GYS2: variants seen among roughly 807,000 people sequenced by gnomAD.
GYS2 encodes glycogen [starch] synthase, liver.
In GYS2, 80 loss-of-function variants were observed where a neutral mutation model predicts 85.6. The observed-to-expected ratio is 0.93, with a 90% CI of 0.78 to 1.13. The LOEUF (loss-of-function observed/expected upper bound fraction) is 1.13. Among genes scored for constraint, GYS2 ranks in the 50% most tolerant of loss-of-function variants. The pLI, the probability that GYS2 is intolerant of heterozygous loss-of-function variation, is 0.00. For missense variants in GYS2, 881 were observed against 854.9 expected, an observed-to-expected ratio of 1.03 and a Z score of -0.38; for synonymous variants, 328 against 300.7, an observed-to-expected ratio of 1.09 and a Z score of -0.94.
chr12:21,534,745 C>A (rs899465359), downstream of GYS2, among the ~76,000 whole-genome samples: 2 of 152,108 alleles, frequency 1.3e-5, no homozygotes, highest in Non-Finnish European at 2.9e-5. Context: ...ACATTCAAAC[C>A]ATAGCAGGTG....
chr12:21,604,235 T>C (rs1944782610), intron 1 of GYS2, among the ~76,000 whole-genome samples: 1 of 152,176 alleles, frequency 6.6e-6, no homozygotes, highest in South Asian at 2.1e-4. Flanking sequence ...AAATGCACAT[T>C]CCATGGCAAT....
chr12:21,596,927 C>T (rs572566070), intron 1 of GYS2, among the ~76,000 whole-genome samples: 1 of 152,168 alleles, frequency 6.6e-6, no homozygotes, highest in African/African-American at 2.4e-5. Flanking sequence ...TGAATGCACA[C>T]AAATCAGTAA....
chr12:21,580,002 T>C (rs768033604), intron 2 of GYS2, among the ~76,000 whole-genome samples: 1 of 152,208 alleles, frequency 6.6e-6, no homozygotes, highest in Non-Finnish European at 1.5e-5. Context: ...CATGCTGACA[T>C]TCCACAAGGT....
chr12:21,591,217 G>T (rs935966128), intron 1 of GYS2, among the ~76,000 whole-genome samples: 3 of 151,960 alleles, frequency 2.0e-5, no homozygotes, highest in African/African-American at 7.2e-5. Context: ...AGACACAAGA[G>T]AACTCAGATA....
chr12:21,586,233 A>G (rs1944571212), intron 1 of GYS2, among the ~76,000 whole-genome samples: 1 of 152,122 alleles, frequency 6.6e-6, no homozygotes, highest in South Asian at 2.1e-4. Flanking sequence ...GGACTGGCTT[A>G]GCCTCCAAGC....
rs762375874 is a variant in GYS2, at chr12:21,563,051, A to AAAACC, written c.942-18_942-14dup. ...AAAGTCGAGATGACTAAAACAAAAC[A>AAAACC]AAACCAAACAGTTTCAAATGAAATA... is the stretch of plus-strand genomic sequence containing the variant. On this transcript the variant is annotated splice_polypyrimidine_tract_variant and intron_variant, in intron 6 of 15. Coordinates refer to ENST00000261195, the MANE Select transcript of GYS2 (RefSeq NM_021957.4). 1 of 1,594,018 alleles carries AAAACC rather than the reference A, an allele frequency of 6.3e-7. No individual in the cohort carries two copies. The highest frequency in any genetic ancestry group is 1.3e-5 in the African/African-American group (1 of 74,646).
At chr12:21,540,352 G>A (rs553851746) in intron 14 of GYS2, 58 bp downstream of exon 14, 14 of 1,341,764 alleles carry the variant, frequency 1.0e-5, no homozygotes, top group Admixed American at 5.0e-5. Flanking sequence ...GAATCAATAT[G>A]TTTATAGTCC....
At chr12:21,541,006 C>T (rs4762838) in intron 13 of GYS2, among the ~76,000 whole-genome samples, 20,146 of 152,028 alleles carry the variant, frequency 0.13, 1,540 homozygotes, top group African/African-American at 0.16. Context: ...GGCTTGGTAG[C>T]TCACACCTGT....
intron 7 of GYS2, among the ~76,000 whole-genome samples, chr12:21,562,058 A>G (rs1213808374): frequency 6.6e-6 from 1 of 152,190 alleles, no homozygotes; most frequent in African/African-American, 2.4e-5. Flanking sequence ...AATAGCTGCC[A>G]TCAATAGCTA....
intron 2 of GYS2, 53 bp downstream of exon 2, chr12:21,580,289 T>C: frequency 6.8e-7 from 1 of 1,469,892 alleles, no homozygotes; most frequent in Non-Finnish European, 9.5e-7. Context: ...AGTTACAGTC[T>C]TTTTTCCCAT....
chr12:21,580,163 C>G (rs1266181576), intron 2 of GYS2, among the ~76,000 whole-genome samples, 179 bp downstream of exon 2: 1 of 152,196 alleles, frequency 6.6e-6, no homozygotes, highest in Non-Finnish European at 1.5e-5. Context: ...CCTTCCTCCT[C>G]GGTTTTCACA....
chr12:21,577,626 TC>T (rs1944461188), intron 2 of GYS2, among the ~76,000 whole-genome samples: 1 of 152,222 alleles, frequency 6.6e-6, no homozygotes, highest in Non-Finnish European at 1.5e-5. Context: ...AGAAATGTTT[TC>T]CGGTACTCTT....
rs539622679 is a variant in GYS2 at position 21,593,468 on chromosome 12, A to G, written c.121+11004T>C. Among the ~76,000 whole-genome samples, 3 of 152,054 alleles carry G rather than the reference A, an allele frequency of 2.0e-5. No individual in the cohort carries two copies. In the South Asian group the frequency reaches 6.2e-4, roughly 32 times the overall value. On this transcript the variant is annotated intron_variant, in intron 1 of 15. Transcript: ENST00000261195. ...CGATACCACAGAAATAGAAAAGATT[A>G]TCAGAGACTATTATGAACAACCATA...
Position 21,604,516 on chromosome 12 carries a change from T to C in GYS2, c.77A>G (p.Glu26Gly), listed in dbSNP as rs767128558. Residue 26 changes from glutamate to glycine, a missense_variant, in exon 1 of 16, where the codon GAG (glutamate) becomes GGG (glycine). Physicochemically the swap from Glu to Gly is moderately conservative, Grantham distance 98. Coordinates refer to ENST00000261195, the MANE Select transcript of GYS2 (RefSeq NM_021957.4). ...PQWEVEELPV[E>G]ELLLFEVAWE... is the part of the protein sequence containing the mutation. ...AGCAACTTCAAAGAGCAGTAACTCCTCCACAGGAAGTTCTTCGACTTCCCA... is the reference window on the plus strand; with the variant it reads ...AGCAACTTCAAAGAGCAGTAACTCCCCCACAGGAAGTTCTTCGACTTCCCA... The C allele has an allele frequency of 3.1e-6, 5 of 1,612,628 alleles. No homozygotes were observed. In the African/African-American group the frequency reaches 6.7e-5, roughly 22 times the overall value.
At chr12:21,546,206 TC>T (rs1944037412) in intron 12 of GYS2, 137 bp downstream of exon 12, 2 of 606,410 alleles carry the variant, frequency 3.3e-6, no homozygotes, top group Non-Finnish European at 5.5e-6. Flanking sequence ...CTGTGATAAA[TC>T]CAACCAAAAT....
At chr12:21,556,652 A>C (rs1379575653) in intron 11 of GYS2, among the ~76,000 whole-genome samples, 2 of 152,272 alleles carry the variant, frequency 1.3e-5, no homozygotes, top group Admixed American at 1.3e-4. Flanking sequence ...CAGAAACCGA[A>C]CTCAGTTCAT....
intron 4 of GYS2, among the ~76,000 whole-genome samples, chr12:21,570,157 T>G (rs916734849): frequency 1.3e-5 from 2 of 152,194 alleles, no homozygotes; most frequent in African/African-American, 4.8e-5. Flanking sequence ...CTTTCATGAC[T>G]GTAATATTTG....
intron 11 of GYS2, among the ~76,000 whole-genome samples, chr12:21,555,420 A>G (rs186044453): frequency 3.1e-4 from 47 of 151,804 alleles, no homozygotes; most frequent in Non-Finnish European, 5.7e-4. Context: ...AGGTGTAGAT[A>G]TTTCAGAAAT....
intron 5 of GYS2, among the ~76,000 whole-genome samples, chr12:21,567,319 G>T (rs1192257309): frequency 6.6e-6 from 1 of 152,064 alleles, no homozygotes; most frequent in East Asian, 1.9e-4. Flanking sequence ...CAAAAACAAA[G>T]AAAGTATTTT....
Sources: allele counts gnomAD v4.1 joint callset (sites outside exome capture counted in the v4.1 genomes callset), GRCh38; gene constraint gnomAD v4.1.1; transcripts MANE v1.5; gene names NCBI Gene and HGNC (gene_info 2026-07-23, HGNC 2026-07-21).